RPS6KC1: variants seen among roughly 807,000 people sequenced by gnomAD.
The protein encoded by RPS6KC1 is ribosomal protein S6 kinase C1.
A neutral mutation model predicts 103.8 loss-of-function variants in RPS6KC1; 54 were observed. The ratio of observed to expected loss-of-function variants is 0.52; its 90% CI spans 0.42 to 0.65. The LOEUF (loss-of-function observed/expected upper bound fraction) is 0.65. Ranked by LOEUF, RPS6KC1 falls within the 30% of genes least tolerant of loss-of-function variation. The probability of loss-of-function intolerance (pLI) is 0.00; values close to 1 mark genes in which losing one functional copy is unlikely to be tolerated. For synonymous variants in RPS6KC1, 439 were observed against 438.7 expected, an observed-to-expected ratio of 1.00 and a Z score of -0.01; for missense variants, 1,151 against 1,253.8, an observed-to-expected ratio of 0.92 and a Z score of 1.24.
the RPS6KC1 span, among the ~76,000 whole-genome samples, chr1:213,661,248 C>A: frequency 6.6e-6 from 1 of 152,156 alleles, no homozygotes; most frequent in African/African-American, 2.4e-5. Context: ...GCTACGTGAA[C>A]TGGGTGAGTC....
At chr1:213,679,744 C>T in the RPS6KC1 span, among the ~76,000 whole-genome samples, 1 of 152,190 alleles carries the variant, frequency 6.6e-6, no homozygotes, top group Non-Finnish European at 1.5e-5. Context: ...CATGGCAAGA[C>T]TTAAAACCTA....
At chr1:213,290,809 G>A in the RPS6KC1 span, among the ~76,000 whole-genome samples, 1 of 152,066 alleles carries the variant, frequency 6.6e-6, no homozygotes, top group Non-Finnish European at 1.5e-5. Flanking sequence ...TTATTGGTAG[G>A]ACACGAAAAC....
intron 8 of RPS6KC1, among the ~76,000 whole-genome samples, chr1:213,207,502 A>G (rs958988753): frequency 6.6e-6 from 1 of 151,644 alleles, no homozygotes; most frequent in Non-Finnish European, 1.5e-5. Context: ...TCCTCCCCTC[A>G]CCCTTCCACA....
At chr1:213,429,729 A>G in the RPS6KC1 span, among the ~76,000 whole-genome samples, 1 of 152,132 alleles carries the variant, frequency 6.6e-6, no homozygotes, top group African/African-American at 2.4e-5. Flanking sequence ...CTCCTATTGC[A>G]TTTTATCTCT....
chr1:213,280,518 C>G, the RPS6KC1 span, among the ~76,000 whole-genome samples: 1 of 152,194 alleles, frequency 6.6e-6, no homozygotes, highest in Non-Finnish European at 1.5e-5. Flanking sequence ...CCAGAATGTT[C>G]TCATTGGATT....
At chr1:213,414,709 A>G in the RPS6KC1 span, among the ~76,000 whole-genome samples, 1 of 151,858 alleles carries the variant, frequency 6.6e-6, no homozygotes, top group Non-Finnish European at 1.5e-5. Flanking sequence ...TGGGAGCCCT[A>G]GGAAACTGAT....
At chr1:213,499,655 A>G in the RPS6KC1 span, among the ~76,000 whole-genome samples, 7 of 151,848 alleles carry the variant, frequency 4.6e-5, no homozygotes, top group South Asian at 2.1e-4. Flanking sequence ...GGTTCCTAAC[A>G]GGACATTGAC....
the RPS6KC1 span, among the ~76,000 whole-genome samples, chr1:213,575,010 G>A: frequency 6.6e-6 from 1 of 152,156 alleles, no homozygotes; most frequent in African/African-American, 2.4e-5. Context: ...CTGGAGGGCA[G>A]TGAGGTGTGG....
At chr1:213,151,635 G>T (rs2088943985) in intron 6 of RPS6KC1, among the ~76,000 whole-genome samples, 3 of 88,868 alleles carry the variant, frequency 3.4e-5, no homozygotes, top group Admixed American at 2.6e-4. Flanking sequence ...CGGGGCGGCT[G>T]GCTGGGCAGA....
chr1:213,318,066 G>A, the RPS6KC1 span, among the ~76,000 whole-genome samples: 4 of 152,242 alleles, frequency 2.6e-5, no homozygotes, highest in Admixed American at 6.5e-5. Context: ...CGCTTGGAGA[G>A]GGATGTGCTT....
the RPS6KC1 span, among the ~76,000 whole-genome samples, chr1:213,528,947 C>T: frequency 0.91 from 138,488 of 152,306 alleles, 63,157 homozygotes; most frequent in East Asian, 0.98. Context: ...CAGGTAGGAA[C>T]TTAATTAAAG....
At chr1:213,401,172 G>A in the RPS6KC1 span, among the ~76,000 whole-genome samples, 2 of 152,114 alleles carry the variant, frequency 1.3e-5, no homozygotes, top group South Asian at 2.1e-4. Context: ...CCTCTGCTTA[G>A]GTGGGTATTT....
intron 12 of RPS6KC1, among the ~76,000 whole-genome samples, chr1:213,259,526 G>A (rs1484847514): frequency 1.3e-5 from 2 of 152,178 alleles, no homozygotes; most frequent in Non-Finnish European, 2.9e-5. Context: ...TTGTGCCACT[G>A]CACTCCAGCT....
intron 3 of RPS6KC1, among the ~76,000 whole-genome samples, chr1:213,095,591 G>T (rs1368718350): frequency 1.3e-5 from 2 of 152,160 alleles, no homozygotes; most frequent in Admixed American, 1.3e-4. Flanking sequence ...GAGTGGGAGA[G>T]TGTCTTATAT....
chr1:213,826,089 T>C, the RPS6KC1 span, among the ~76,000 whole-genome samples: 1 of 152,212 alleles, frequency 6.6e-6, no homozygotes, highest in Admixed American at 6.5e-5. Context: ...CCAAGGACTA[T>C]GGTGGGAACT....
chr1:213,430,949 C>T, the RPS6KC1 span, among the ~76,000 whole-genome samples: 1 of 152,116 alleles, frequency 6.6e-6, no homozygotes, highest in South Asian at 2.1e-4. Context: ...ATTGCCTCTG[C>T]ACTCTACCTG....
chr1:213,678,290 GAC>G, the RPS6KC1 span, among the ~76,000 whole-genome samples: 6 of 152,232 alleles, frequency 3.9e-5, no homozygotes, highest in African/African-American at 1.4e-4. Flanking sequence ...GAAGCTTGCA[GAC>G]ACACTAGCCC....
the RPS6KC1 span, among the ~76,000 whole-genome samples, chr1:213,657,656 A>G: frequency 1.3e-5 from 2 of 152,226 alleles, no homozygotes; most frequent in East Asian, 3.8e-4. Flanking sequence ...ATACAAACAC[A>G]TGTGAATAAT....
At chr1:213,254,162 T>C (rs939763704) in intron 12 of RPS6KC1, among the ~76,000 whole-genome samples, 3 of 82,950 alleles carry the variant, frequency 3.6e-5, no homozygotes, top group Non-Finnish European at 9.0e-5. Flanking sequence ...TTGTGAAATA[T>C]CATAGTTTGA....
Sources: allele counts gnomAD v4.1 joint callset (sites outside exome capture counted in the v4.1 genomes callset), GRCh38; gene constraint gnomAD v4.1.1; transcripts MANE v1.5; gene names NCBI Gene and HGNC (gene_info 2026-07-23, HGNC 2026-07-21).